The following SDHAF3 variants were observed in gnomAD, a reference collection of about 807,000 sequenced individuals.
SDHAF3 encodes succinate dehydrogenase complex assembly factor 3.
SDHAF3 carries 18 observed loss-of-function variants against 11.5 expected under a neutral mutation model. That is an observed-to-expected ratio of 1.56 (90% CI 1.08 to 2.32). The LOEUF is 2.32. Ranked by LOEUF, SDHAF3 falls within the 30% of genes most tolerant of loss-of-function variation. The pLI is 0.00. For missense variants in SDHAF3, 200 were observed against 154.4 expected (o/e 1.30, Z -1.57); for synonymous variants, 72 against 59.3 (o/e 1.21, Z -0.99).
chr7:97,142,296 G>C (rs1179545915), intron 1 of SDHAF3, among the ~76,000 whole-genome samples: 1 of 151,564 alleles, frequency 6.6e-6, no homozygotes, highest in Non-Finnish European at 1.5e-5. Context: ...CTCGTGATCT[G>C]CCCACCTCGG....
Position 97,173,176 on chromosome 7 carries a change from A to G in SDHAF3, c.175-7836A>G, listed in dbSNP as rs531140598. 2.5e-3 allele frequency among the ~76,000 whole-genome samples: 384 copies of G among 152,340 alleles called. 2 individuals are homozygous for G. The highest frequency in any genetic ancestry group is 4.3e-3 in the Non-Finnish European group (293 of 68,020). Reference sequence around the variant, plus strand: ...CTAGCAGGCTGTGGACTGCACCACTACCTGGGAAGCTTTGTTGAGAAGAAA... The same window carrying G: ...CTAGCAGGCTGTGGACTGCACCACTGCCTGGGAAGCTTTGTTGAGAAGAAA... On this transcript the variant is annotated intron_variant, in intron 1 of 1. Coordinates refer to ENST00000432641, the MANE Select transcript of SDHAF3 (RefSeq NM_020186.3).
chr7:97,152,216 T>C (rs1789235978), intron 1 of SDHAF3, among the ~76,000 whole-genome samples: 2 of 152,160 alleles, frequency 1.3e-5, no homozygotes, highest in African/African-American at 2.4e-5. Flanking sequence ...AGCCAATTTA[T>C]CAAGATGGGA....
intron 1 of SDHAF3, among the ~76,000 whole-genome samples, chr7:97,143,396 C>T (rs1789085639): frequency 6.6e-6 from 1 of 151,940 alleles, no homozygotes; most frequent in African/African-American, 2.4e-5. Context: ...TTTTGGTCCA[C>T]CCATCACCCG....
chr7:97,134,500 G>T (rs1253850060), intron 1 of SDHAF3, among the ~76,000 whole-genome samples: 1 of 152,172 alleles, frequency 6.6e-6, no homozygotes, highest in Non-Finnish European at 1.5e-5. Context: ...AGGCTGGAGT[G>T]CAGTGGCATG....
At chr7:97,177,111 G>A (rs1789690278) in intron 1 of SDHAF3, among the ~76,000 whole-genome samples, 1 of 151,824 alleles carries the variant, frequency 6.6e-6, no homozygotes, top group Admixed American at 6.6e-5. Flanking sequence ...ACTATCATAT[G>A]CTTAGGTATA....
chr7:97,158,173 C>T (rs1256127580), intron 1 of SDHAF3, among the ~76,000 whole-genome samples: 1 of 151,868 alleles, frequency 6.6e-6, no homozygotes, highest in Non-Finnish European at 1.5e-5. Flanking sequence ...CTTAAAATTT[C>T]CTTTTGGGGG....
intron 1 of SDHAF3, among the ~76,000 whole-genome samples, chr7:97,141,524 A>G (rs1789040910): frequency 6.6e-6 from 1 of 152,158 alleles, no homozygotes; most frequent in African/African-American, 2.4e-5. Context: ...CTTAGGGAAA[A>G]TAGAAAAGAA....
At chr7:97,120,921 G>A (rs913119906) in intron 1 of SDHAF3, among the ~76,000 whole-genome samples, 1 of 152,136 alleles carries the variant, frequency 6.6e-6, no homozygotes, top group African/African-American at 2.4e-5. Flanking sequence ...TTCAGCTGGG[G>A]GAAGTTTTTG....
intron 1 of SDHAF3, among the ~76,000 whole-genome samples, chr7:97,132,279 A>G (rs1485826083): frequency 6.6e-6 from 1 of 152,206 alleles, no homozygotes; most frequent in Non-Finnish European, 1.5e-5. Context: ...TGTTTAATAA[A>G]TGTTAATGTC....
At chr7:97,176,756 A>G (rs570904343) in intron 1 of SDHAF3, among the ~76,000 whole-genome samples, 218 of 152,280 alleles carry the variant, frequency 1.4e-3, no homozygotes, top group African/African-American at 4.9e-3. Flanking sequence ...CATAAGAAAC[A>G]TTATTCCCAT....
At chr7:97,128,672 AAAG>A (rs1014122552) in intron 1 of SDHAF3, among the ~76,000 whole-genome samples, 1 of 151,894 alleles carries the variant, frequency 6.6e-6, no homozygotes, top group Admixed American at 6.6e-5. Flanking sequence ...AGGAAAATAA[AAAG>A]AAATTAAAAT....
chr7:97,137,031 GT>G (rs1788932526), intron 1 of SDHAF3, among the ~76,000 whole-genome samples: 1 of 151,948 alleles, frequency 6.6e-6, no homozygotes, highest in Non-Finnish European at 1.5e-5. Flanking sequence ...GTTTTGTTTT[GT>G]TTTTGGTTGT....
chr7:97,148,627 T>C (rs1789171314), intron 1 of SDHAF3, among the ~76,000 whole-genome samples: 1 of 152,232 alleles, frequency 6.6e-6, no homozygotes, highest in African/African-American at 2.4e-5. Context: ...AGATTTAATT[T>C]AACTGGTTTT....
chr7:97,129,554 G>A (rs919166388), intron 1 of SDHAF3, among the ~76,000 whole-genome samples: 5 of 152,106 alleles, frequency 3.3e-5, no homozygotes, highest in Admixed American at 6.5e-5. Context: ...ATAAGCTCTC[G>A]TGATATCCCC....
intron 1 of SDHAF3, among the ~76,000 whole-genome samples, chr7:97,173,180 G>A (rs908426728): frequency 2.0e-5 from 3 of 152,220 alleles, no homozygotes; most frequent in African/African-American, 7.2e-5. Context: ...ACCACTACCT[G>A]GGAAGCTTTG....
intron 1 of SDHAF3, among the ~76,000 whole-genome samples, chr7:97,164,633 C>G (rs1292279504): frequency 6.6e-6 from 1 of 152,046 alleles, no homozygotes; most frequent in Non-Finnish European, 1.5e-5. Flanking sequence ...TCTCGGCCTC[C>G]CAAAGTGCTG....
intron 1 of SDHAF3, among the ~76,000 whole-genome samples, chr7:97,118,717 A>G (rs1199983535): frequency 1.3e-5 from 2 of 152,214 alleles, no homozygotes; most frequent in Admixed American, 6.5e-5. Flanking sequence ...TGGAGCTGAT[A>G]TGAAAATAGA....
At chr7:97,148,901 A>G (rs1010710174) in intron 1 of SDHAF3, among the ~76,000 whole-genome samples, 1 of 150,696 alleles carries the variant, frequency 6.6e-6, no homozygotes, top group Non-Finnish European at 1.5e-5. Flanking sequence ...TAAAAAGTAG[A>G]TTCTGATGCA....
At chr7:97,123,843 GT>G (rs200490106) in intron 1 of SDHAF3, among the ~76,000 whole-genome samples, 6,554 of 143,984 alleles carry the variant, frequency 0.046, 462 homozygotes, top group East Asian at 0.29. Flanking sequence ...TTTTGGATGG[GT>G]TTTTTTTTTT....
Sources: allele counts gnomAD v4.1 joint callset (sites outside exome capture counted in the v4.1 genomes callset), GRCh38; gene constraint gnomAD v4.1.1; transcripts MANE v1.5; gene names NCBI Gene and HGNC (gene_info 2026-07-23, HGNC 2026-07-21).